The following ANO5 variants were observed in gnomAD, a reference collection of about 807,000 sequenced individuals.
The protein encoded by ANO5 is anoctamin 5, also known as anoctamin-5.
ANO5 carries 109 observed loss-of-function variants against 121.0 expected under a neutral mutation model. That is an observed-to-expected ratio of 0.90 (90% CI 0.77 to 1.06). The LOEUF (loss-of-function observed/expected upper bound fraction) is 1.06. ANO5 is among the 50% of genes least tolerant of loss of function. ANO5 has a pLI of 0.00. For synonymous variants in ANO5, 406 were observed against 359.9 expected, an observed-to-expected ratio of 1.13 and a Z score of -1.45; for missense variants, 1,064 against 1,078.5, an observed-to-expected ratio of 0.99 and a Z score of 0.19.
rs1590345898 is a variant in ANO5 at position 22,282,412 on chromosome 11, C to G, written c.*2647C>G. 6.6e-6 allele frequency: 1 copy of G among 152,166 alleles called. No homozygotes were observed. The allele number at this position is 152,166 out of a possible 1,614,324, so 9.4% of individuals were successfully genotyped here. A position where few individuals can be genotyped will look rare whatever the true frequency, so the allele number is the denominator to read the frequency against. ...TAAATGAAATGCTGTCTTATTTTTG[C>G]TGTGTCTTTTGACACCTCTTAGCTT... On this transcript the variant is annotated 3_prime_UTR_variant, in exon 22 of 22. Transcript: ENST00000324559.
At position 22,218,434 on chromosome 11, in the gene ANO5, T is replaced by C. The variant is rs956120037; in HGVS notation, c.180+147T>C. 7.6e-6 allele frequency: 8 copies of C among 1,058,474 alleles called. No homozygotes were observed. The African/African-American group carries it at 9.5e-5, about 13-fold the overall frequency. The allele number at this position is 1,058,474 out of a possible 1,614,324, so 65.6% of individuals were successfully genotyped here. A position where few individuals can be genotyped will look rare whatever the true frequency, so the allele number is the denominator to read the frequency against. Reference sequence around the variant, plus strand: ...GGCAACTGAAGTTTAAGAATAGTGATTCTTAATTTGTTCTGGATTTGGATT... The same window carrying C: ...GGCAACTGAAGTTTAAGAATAGTGACTCTTAATTTGTTCTGGATTTGGATT... On this transcript the variant is annotated intron_variant, in intron 4 of 21. Coordinates refer to ENST00000324559, the MANE Select transcript of ANO5 (RefSeq NM_213599.3).
chr11:22,234,237 A>G (rs2133639845), intron 7 of ANO5, among the ~76,000 whole-genome samples: 1 of 152,248 alleles, frequency 6.6e-6, no homozygotes, highest in African/African-American at 2.4e-5. Context: ...TTCAATTAGG[A>G]CATGAACAAG....
At chr11:22,253,188 C>CATA (rs1564937882) in intron 12 of ANO5, among the ~76,000 whole-genome samples, 2 of 152,106 alleles carry the variant, frequency 1.3e-5, no homozygotes, top group Non-Finnish European at 2.9e-5. Flanking sequence ...TCCTGAAATC[C>CATA]TTTTCAGGGA....
chr11:22,257,528 G>A (rs1854042207), intron 13 of ANO5, 152 bp from the exon 14 acceptor site: 1 of 670,154 alleles, frequency 1.5e-6, no homozygotes, highest in Non-Finnish European at 2.7e-6. Context: ...TCAAGAGAAG[G>A]AACCATTCCT....
At chr11:22,253,573 T>A (rs1853896758) in intron 12 of ANO5, among the ~76,000 whole-genome samples, 1 of 152,144 alleles carries the variant, frequency 6.6e-6, no homozygotes, top group Admixed American at 6.6e-5. Flanking sequence ...TAGTACCAAG[T>A]TCATGAAACT....
chr11:22,215,435 A>C (rs1402398033), intron 3 of ANO5, among the ~76,000 whole-genome samples: 1 of 151,980 alleles, frequency 6.6e-6, no homozygotes, highest in Admixed American at 6.6e-5. Context: ...TTTAAATACA[A>C]TTGATATGCC....
rs1480078083 is a variant in ANO5 at position 22,250,863 on chromosome 11, A to T, written c.1119+17A>T. Reference sequence around the variant, plus strand: ...GCTTCAAAGGTATGTATGCATTGTAACATGTTGAAAAGACTTGGAATTTTC... The same window carrying T: ...GCTTCAAAGGTATGTATGCATTGTATCATGTTGAAAAGACTTGGAATTTTC... On this transcript the variant is annotated intron_variant, in intron 11 of 21. Coordinates refer to ENST00000324559, the MANE Select transcript of ANO5 (RefSeq NM_213599.3). The T allele has an allele frequency of 6.2e-7, 1 of 1,612,260 alleles. No homozygotes were observed. Among genetic ancestry groups the T allele is most frequent in the Non-Finnish European group, 8.5e-7 (1 of 1,178,344 alleles).
At chr11:22,201,523 AGTGT>A (rs1273084223) in intron 1 of ANO5, among the ~76,000 whole-genome samples, 1 of 152,066 alleles carries the variant, frequency 6.6e-6, no homozygotes, top group Non-Finnish European at 1.5e-5. Flanking sequence ...GGAGAGAGAG[AGTGT>A]GTTATTCCCT....
At chr11:22,247,847 A>T (rs1853675112) in intron 9 of ANO5, among the ~76,000 whole-genome samples, 1 of 152,096 alleles carries the variant, frequency 6.6e-6, no homozygotes, top group South Asian at 2.1e-4. Context: ...CATCAGCTCT[A>T]TCAGCTCATT....
At chr11:22,227,080 C>T in intron 6 of ANO5, among the ~76,000 whole-genome samples, 1 of 152,020 alleles carries the variant, frequency 6.6e-6, no homozygotes, top group East Asian at 1.9e-4. Flanking sequence ...CTCTTTCTGT[C>T]TTTCACATAT....
chr11:22,250,662 T>C (rs1853783024), intron 10 of ANO5, 79 bp from the exon 11 acceptor site: 1 of 1,337,418 alleles, frequency 7.5e-7, no homozygotes, highest in Non-Finnish European at 1.1e-6. Flanking sequence ...GTTATATAAG[T>C]AGTTGTTCTA....
At chr11:22,209,640 C>T (rs1236275806) in intron 2 of ANO5, among the ~76,000 whole-genome samples, 5 of 151,862 alleles carry the variant, frequency 3.3e-5, no homozygotes, top group South Asian at 2.1e-4. Context: ...TCTAGAAGTA[C>T]ATCAAGGATT....
intron 9 of ANO5, among the ~76,000 whole-genome samples, chr11:22,243,780 A>G (rs971171589): frequency 6.6e-6 from 1 of 152,158 alleles, no homozygotes; most frequent in Non-Finnish European, 1.5e-5. Context: ...GTCATTTCTC[A>G]TTGGACTTAT....
In ANO5 at chr11:22,227,523, G is replaced by A. The variant is rs1474798484; in HGVS notation, c.585G>A (p.Arg195=). Residue 195 remains arginine, a synonymous_variant, in exon 7 of 22, where the codon CGG becomes CGA. Transcript: ENST00000324559. ...TTACTGCACAATTCAGCAGACATCG[G>A]CAGGAGCTCTTCCTCATCGAAGATC... ...EYFTAQFSRH[R]QELFLIEDQA... The A allele has an allele frequency of 1.9e-6, 3 of 1,613,356 alleles. No individual in the cohort carries two copies. Among genetic ancestry groups the A allele is most frequent in the Non-Finnish European group, 2.5e-6 (3 of 1,179,750 alleles).
Position 22,193,350 on chromosome 11 carries a change from A to C in ANO5, c.-143A>C. 6.6e-7 allele frequency: 1 copy of C among 1,511,282 alleles called. No homozygotes were observed. The allele number at this position is 1,511,282 out of a possible 1,614,324, so 93.6% of individuals were successfully genotyped here. On this transcript the variant is annotated 5_prime_UTR_variant, in exon 1 of 22. Coordinates refer to ENST00000324559, the MANE Select transcript of ANO5 (RefSeq NM_213599.3). ...GAGGAGAAGGAGGCCTGCAGAAGGA[A>C]GAGCAGGCCCTTAGAAGTCCAGCAG...
rs184318202 is a variant in ANO5 at position 22,205,706 on chromosome 11, A to G, written c.87+1856A>G. On this transcript the variant is annotated intron_variant, in intron 2 of 21. Transcript: ENST00000324559. ...AGCTGTGGAAAGATACATAAAATTG[A>G]CAAACCTTTAGCCAGACTGGCAGAA... Among the ~76,000 whole-genome samples, 476 of 152,278 alleles carry G rather than the reference A, an allele frequency of 3.1e-3. 6 individuals are homozygous for G. Among genetic ancestry groups the G allele is most frequent in the African/African-American group, 0.011 (447 of 41,580 alleles).
intron 19 of ANO5, among the ~76,000 whole-genome samples, chr11:22,274,320 G>A (rs1327941980): frequency 6.6e-6 from 1 of 152,058 alleles, no homozygotes; most frequent in Non-Finnish European, 1.5e-5. Flanking sequence ...GGTTCGTAGA[G>A]ACAGATACAT....
chr11:22,257,268 T>G (rs1397775948), intron 13 of ANO5, among the ~76,000 whole-genome samples: 1 of 152,154 alleles, frequency 6.6e-6, no homozygotes. Flanking sequence ...CTGAAAAATA[T>G]AAAGAAAGCA....
intron 3 of ANO5, among the ~76,000 whole-genome samples, chr11:22,217,851 A>G (rs1360719043): frequency 1.3e-5 from 2 of 151,954 alleles, no homozygotes; most frequent in Admixed American, 6.6e-5. Context: ...CTGGGTGATG[A>G]AATAATCTGT....
Sources: gnomAD v4.1 joint callset for allele counts (sites outside exome capture counted in the v4.1 genomes callset) on GRCh38, gnomAD v4.1.1 for gene constraint, MANE v1.5 for transcripts, NCBI Gene and HGNC (gene_info 2026-07-23, HGNC 2026-07-21) for gene names.